The following CCDC73 variants were observed in gnomAD, a reference collection of about 807,000 sequenced individuals.
CCDC73 encodes the protein coiled-coil domain-containing protein 73.
A neutral mutation model predicts 116.5 loss-of-function variants in CCDC73; 95 were observed. The ratio of observed to expected loss-of-function variants is 0.82; its 90% CI spans 0.69 to 0.97. The LOEUF (loss-of-function observed/expected upper bound fraction) is 0.97, where lower values mean the gene tolerates loss of function less well. CCDC73 is among the 50% of genes least tolerant of loss of function. The probability of loss-of-function intolerance (pLI) is 0.00; values close to 1 mark genes in which losing one functional copy is unlikely to be tolerated. For missense variants in CCDC73, 1,066 were observed against 1,206.8 expected, an observed-to-expected ratio of 0.88 and a Z score of 1.73; for synonymous variants, 398 against 401.3, an observed-to-expected ratio of 0.99 and a Z score of 0.10.
At chr11:32,604,004 T>C (rs972939743) in intron 17 of CCDC73, 1 of 152,180 alleles carries the variant, frequency 6.6e-6, no homozygotes, top group African/African-American at 2.4e-5. Context: ...GAGGTGAAGG[T>C]TGCAATGAGC....
At chr11:32,635,577 T>C (rs1855669688) in intron 14 of CCDC73, 119 bp downstream of exon 14, 4 of 884,340 alleles carry the variant, frequency 4.5e-6, no homozygotes, top group Non-Finnish European at 5.8e-6. Flanking sequence ...TTAGAGACCA[T>C]ATGCATATAC....
At chr11:32,762,334 C>A (rs984985981) in intron 1 of CCDC73, among the ~76,000 whole-genome samples, 9 of 152,024 alleles carry the variant, frequency 5.9e-5, no homozygotes, top group African/African-American at 2.2e-4. Flanking sequence ...CTGAAAGAGA[C>A]CAAGAACCAA....
intron 3 of CCDC73, among the ~76,000 whole-genome samples, chr11:32,711,570 AAAGGCCTAAGAAT>A (rs1454573106): frequency 2.0e-5 from 3 of 152,166 alleles, no homozygotes; most frequent in Non-Finnish European, 4.4e-5. Context: ...ATGAGCACAC[AAAGGCCTAAGAAT>A]AATACATTGG....
chr11:32,813,206 A>G, the CCDC73 span, among the ~76,000 whole-genome samples: 1 of 151,894 alleles, frequency 6.6e-6, no homozygotes, highest in East Asian at 1.9e-4. Flanking sequence ...ATTTATCAAT[A>G]TTTTTCATTG....
chr11:32,652,513 C>G (rs1209327445), intron 12 of CCDC73, among the ~76,000 whole-genome samples: 1 of 152,144 alleles, frequency 6.6e-6, no homozygotes, highest in South Asian at 2.1e-4. Flanking sequence ...AAGAGATTTT[C>G]CTGTACATTT....
intron 14 of CCDC73, among the ~76,000 whole-genome samples, chr11:32,616,518 G>C (rs1855475928): frequency 6.6e-6 from 1 of 152,052 alleles, no homozygotes; most frequent in African/African-American, 2.4e-5. Flanking sequence ...GCCCAGGCTG[G>C]AGTGCAGTGG....
chr11:32,723,002 T>C (rs1850002921), intron 2 of CCDC73, among the ~76,000 whole-genome samples: 1 of 152,170 alleles, frequency 6.6e-6, no homozygotes, highest in Non-Finnish European at 1.5e-5. Context: ...AAATGTTGCA[T>C]TACACTACCT....
At chr11:32,626,803 C>T (rs1385288315) in intron 14 of CCDC73, among the ~76,000 whole-genome samples, 1 of 152,196 alleles carries the variant, frequency 6.6e-6, no homozygotes, top group Admixed American at 6.5e-5. Flanking sequence ...CCCTTCCTTA[C>T]ACCTTATACA....
chr11:32,798,371 G>C (rs1331181854), upstream of CCDC73, among the ~76,000 whole-genome samples: 1 of 152,366 alleles, frequency 6.6e-6, no homozygotes, highest in Admixed American at 6.5e-5. Flanking sequence ...ACCACTAACT[G>C]CAACCTCAAC....
At chr11:32,719,544 T>C (rs1441169764) in intron 2 of CCDC73, among the ~76,000 whole-genome samples, 1 of 152,098 alleles carries the variant, frequency 6.6e-6, no homozygotes, top group African/African-American at 2.4e-5. Context: ...AGAGCTGCCA[T>C]ATATCCAAAA....
the CCDC73 span, among the ~76,000 whole-genome samples, chr11:32,826,669 A>C: frequency 2.0e-5 from 3 of 151,582 alleles, no homozygotes; most frequent in Non-Finnish European, 4.4e-5. Context: ...ACAAAAAAAA[A>C]AACCCAGAGT....
At chr11:32,706,012 G>GGAA (rs532303665) in intron 3 of CCDC73, among the ~76,000 whole-genome samples, 1 of 135,454 alleles carries the variant, frequency 7.4e-6, no homozygotes, top group South Asian at 2.4e-4. Flanking sequence ...TATATCAGCT[G>GGAA]AAAAAAAAAA....
chr11:32,718,372 C>A (rs1214403752), intron 2 of CCDC73, among the ~76,000 whole-genome samples: 5 of 152,128 alleles, frequency 3.3e-5, no homozygotes, highest in Non-Finnish European at 7.4e-5. Context: ...AGAAACAGAA[C>A]CCTGACATTT....
At chr11:32,798,123 G>T (rs1269455649), upstream of CCDC73, among the ~76,000 whole-genome samples, 1 of 152,202 alleles carries the variant, frequency 6.6e-6, no homozygotes, top group Non-Finnish European at 1.5e-5. Flanking sequence ...ATCCTGTTGT[G>T]TATGTGCAAA....
intron 4 of CCDC73, among the ~76,000 whole-genome samples, chr11:32,701,738 T>TAC (rs922682809): frequency 5.3e-5 from 8 of 151,920 alleles, no homozygotes; most frequent in African/African-American, 1.9e-4. Context: ...AAAACTAAAG[T>TAC]ACACACACCA....
At chr11:32,664,581 T>G (rs1470967288) in intron 9 of CCDC73, among the ~76,000 whole-genome samples, 1 of 152,180 alleles carries the variant, frequency 6.6e-6, no homozygotes, top group Non-Finnish European at 1.5e-5. Flanking sequence ...TCTTTTTTAT[T>G]AGGCTTGCTG....
chr11:32,703,432 T>G lies in CCDC73; in HGVS notation c.208-488A>C, dbSNP rs1227158660. ...TGTCATAGAATCATCATATAAAAAT[T>G]TTTGCTTCCTGTTGCTTTTTTCATG... On this transcript the variant is annotated intron_variant, in intron 3 of 17. Coordinates refer to ENST00000335185, the MANE Select transcript of CCDC73 (RefSeq NM_001008391.4). Among the ~76,000 whole-genome samples, 6 of 152,086 alleles carry G rather than the reference T, an allele frequency of 3.9e-5. No individual in the cohort carries two copies. In the East Asian group the frequency reaches 9.6e-4, roughly 24 times the overall value.
chr11:32,821,111 A>G, the CCDC73 span, among the ~76,000 whole-genome samples: 1 of 152,114 alleles, frequency 6.6e-6, no homozygotes, highest in African/African-American at 2.4e-5. Context: ...TGCTTTTGTT[A>G]TTAGACAGTT....
chr11:32,636,397 C>T (rs1305834057), intron 13 of CCDC73, among the ~76,000 whole-genome samples: 1 of 152,008 alleles, frequency 6.6e-6, no homozygotes, highest in Non-Finnish European at 1.5e-5. Flanking sequence ...GACATGTCAG[C>T]CGTATATTTA....
Sources: gnomAD v4.1 joint callset for allele counts (sites outside exome capture counted in the v4.1 genomes callset) on GRCh38, gnomAD v4.1.1 for gene constraint, MANE v1.5 for transcripts, NCBI Gene and HGNC (gene_info 2026-07-23, HGNC 2026-07-21) for gene names.